TAF5L: variants seen among roughly 807,000 people sequenced by gnomAD.
TAF5L encodes TAF5-like RNA polymerase II p300/CBP-associated factor-associated factor 65 kDa subunit 5L.
In TAF5L, 7 loss-of-function variants were observed where a neutral mutation model predicts 51.3. The observed-to-expected ratio is 0.14, with a 90% CI of 0.08 to 0.26. The LOEUF (loss-of-function observed/expected upper bound fraction) is 0.26, where lower values mean the gene tolerates loss of function less well. Among genes scored for constraint, TAF5L ranks in the 10% least tolerant of loss-of-function variants. The pLI is 1.00. For missense variants in TAF5L, 575 were observed against 758.9 expected, an observed-to-expected ratio of 0.76 and a Z score of 2.85; for synonymous variants, 291 against 308.1, an observed-to-expected ratio of 0.94 and a Z score of 0.58.
At chr1:229,597,279 G>A (rs1664159196) in intron 4 of TAF5L, among the ~76,000 whole-genome samples, 2 of 152,246 alleles carry the variant, frequency 1.3e-5, no homozygotes, top group Non-Finnish European at 2.9e-5. Context: ...AGAAGCTATG[G>A]AAGTGGCCTT....
chr1:229,599,796 T>C (rs561290687), intron 4 of TAF5L: 2 of 982,122 alleles, frequency 2.0e-6, no homozygotes, highest in South Asian at 4.7e-5. Flanking sequence ...GATATATGTC[T>C]AGAAGTGGAA....
At chr1:229,610,109 T>C (rs1424485183) in exon 3 of TAF5L, 44 of 1,611,632 alleles carry the variant, frequency 2.7e-5, no homozygotes, top group Non-Finnish European at 3.6e-5. Context: ...TACTTACCAG[T>C]GAGAAAATTC....
At chr1:229,599,960 A>T (rs938460750) in intron 4 of TAF5L, 28 of 985,356 alleles carry the variant, frequency 2.8e-5, no homozygotes, top group Non-Finnish European at 3.1e-5. Context: ...TCATCTCATT[A>T]ATCCATGTGG....
rs144739310 is a variant in TAF5L at position 229,621,508 on chromosome 1, C to T, written c.-4+4377G>A. On this transcript the variant is annotated intron_variant, in intron 1 of 4. Transcript: ENST00000258281. ...TTTTCTAAACACTGACAATATACAA[C>T]ACTCTTCAAATCTTCTGTAAATTAA... Among the ~76,000 whole-genome samples the T allele has an allele frequency of 6.1e-3, 931 of 152,232 alleles. 12 individuals are homozygous for T. The highest frequency in any genetic ancestry group is 0.022 in the African/African-American group (897 of 41,538).
chr1:229,613,626 A>G (rs1021765727), intron 2 of TAF5L, among the ~76,000 whole-genome samples: 1 of 152,234 alleles, frequency 6.6e-6, no homozygotes, highest in African/African-American at 2.4e-5. Context: ...AAGACAATTT[A>G]AAGAATACAG....
Position 229,594,158 on chromosome 1 carries a change from G to C in TAF5L, c.*139C>G. 3 of 1,004,790 alleles carry C rather than the reference G, an allele frequency of 3.0e-6. No homozygotes were observed. The highest frequency in any genetic ancestry group is 4.3e-6 in the Non-Finnish European group (3 of 693,678). 62.2% of individuals were successfully genotyped at this position (1,004,790 alleles called of 1,614,324 possible). The stretch of plus-strand genomic sequence containing the variant: ...GACACTGGGGGGCTGAGTGAAGGGG[G>C]ACCTGCCCGGAATGAGGGCCCAGGA... On this transcript the variant is annotated 3_prime_UTR_variant, in exon 5 of 5. Transcript: ENST00000258281. This position sits in a 1 kb window ranked among gnomAD's most constrained non-coding sequence, Gnocchi z 7.9.
At chr1:229,596,607 G>T (rs892499998) in intron 4 of TAF5L, among the ~76,000 whole-genome samples, 6 of 152,220 alleles carry the variant, frequency 3.9e-5, no homozygotes, top group African/African-American at 2.4e-5. Context: ...CGACAGAAAA[G>T]ACGGCAACTA....
In TAF5L at chr1:229,625,668, G is replaced by A. The variant is rs914147788; in HGVS notation, c.-4+217C>T. On this transcript the variant is annotated intron_variant, in intron 1 of 4. Coordinates refer to ENST00000258281, the Ensembl canonical transcript of TAF5L. The surrounding 1 kb of genome is among the most constrained non-coding windows in gnomAD (Gnocchi z 4.0). Reference sequence around the variant, plus strand: ...CAGGCCACGCCGCCGGCCGCAGCCCGGGACTCGGGAGGCCGAGGGCGGAGG... The same window carrying A: ...CAGGCCACGCCGCCGGCCGCAGCCCAGGACTCGGGAGGCCGAGGGCGGAGG... Among the ~76,000 whole-genome samples, 1 of 149,792 alleles carries A rather than the reference G, an allele frequency of 6.7e-6. No homozygotes were observed. The highest frequency in any genetic ancestry group is 2.4e-5 in the African/African-American group (1 of 41,044).
At chr1:229,619,916 A>T (rs930355278) in intron 1 of TAF5L, among the ~76,000 whole-genome samples, 3 of 152,138 alleles carry the variant, frequency 2.0e-5, no homozygotes, top group Non-Finnish European at 1.5e-5. Context: ...TTACAGTCAG[A>T]CCACCTTCCT....
intron 3 of TAF5L, chr1:229,607,165 G>C: frequency 1.0e-6 from 1 of 985,326 alleles, no homozygotes; most frequent in Non-Finnish European, 1.2e-6. Context: ...CAGTCTTAAA[G>C]CCTGAGCCAT....
At chr1:229,610,255 C>T (rs760525162) in intron 2 of TAF5L, 45 bp from the exon 3 acceptor site, 11 of 1,575,678 alleles carry the variant, frequency 7.0e-6, no homozygotes, top group Admixed American at 1.7e-5. Context: ...AACAGAGAGA[C>T]GATTATTAAC....
rs755792046 is a variant in TAF5L at position 229,595,013 on chromosome 1, C to T, written c.1054G>A (p.Ala352Thr). The change falls in exon 5 of 5, where the codon GCG becomes ACG. Residue 352 changes from alanine (A) to threonine (T), a missense_variant. Physicochemically the swap from Ala to Thr is moderately conservative, Grantham distance 58 (BLOSUM62 0). This residue lies in a region of TAF5L where 380 missense variants were observed against 443.7 expected (regional missense o/e 0.86). Coordinates refer to ENST00000258281, the Ensembl canonical transcript of TAF5L. Reference sequence around the variant, plus strand: ...CAAGAGAGCAACCCTGAGCTGTCCGCGAGGAACCTCGTGCTGTACACTGGT... The same window carrying T: ...CAAGAGAGCAACCCTGAGCTGTCCGTGAGGAACCTCGTGCTGTACACTGGT... 1.3e-5 allele frequency: 21 copies of T among 1,614,018 alleles called. No individual in the cohort carries two copies. The highest frequency in any genetic ancestry group is 3.3e-5 in the South Asian group (3 of 91,078).
At chr1:229,614,565 G>C (rs1364381902) in intron 1 of TAF5L, 80 bp from the exon 2 acceptor site, 1 of 1,555,004 alleles carries the variant, frequency 6.4e-7, no homozygotes, top group Non-Finnish European at 8.7e-7. Flanking sequence ...ATCGCAGATG[G>C]GTAGGACACA....
chr1:229,600,163 T>C, intron 4 of TAF5L: 1 of 985,436 alleles, frequency 1.0e-6, no homozygotes, highest in Non-Finnish European at 1.2e-6. Context: ...ACACCAACTA[T>C]CGTAACTAAT....
chr1:229,623,912 G>C (rs1665320425), intron 1 of TAF5L, among the ~76,000 whole-genome samples: 1 of 152,180 alleles, frequency 6.6e-6, no homozygotes, highest in African/African-American at 2.4e-5. Flanking sequence ...GGGGCTTCCT[G>C]AGGGAGCACA....
At chr1:229,614,464 C>T in exon 2 of TAF5L, 4 of 1,614,166 alleles carry the variant, frequency 2.5e-6, no homozygotes, top group Non-Finnish European at 3.4e-6. Context: ...TGAATCTGCT[C>T]GGTACGCACT....
Position 229,594,177 on chromosome 1 carries a change from C to T in TAF5L, c.*120G>A. 1 of 1,195,518 alleles carries T rather than the reference C, an allele frequency of 8.4e-7. No individual in the cohort carries two copies. The highest frequency in any genetic ancestry group is 1.2e-6 in the Non-Finnish European group (1 of 862,096). 74.1% of individuals were successfully genotyped at this position (1,195,518 alleles called of 1,614,324 possible). Reference sequence around the variant, plus strand: ...AAGGGGGACCTGCCCGGAATGAGGGCCCAGGAGAGAGGGGAGGAGGGGGCT... The same window carrying T: ...AAGGGGGACCTGCCCGGAATGAGGGTCCAGGAGAGAGGGGAGGAGGGGGCT... On this transcript the variant is annotated 3_prime_UTR_variant, in exon 5 of 5. Transcript: ENST00000258281. The surrounding 1 kb of genome is among the most constrained non-coding windows in gnomAD (Gnocchi z 7.9).
intron 1 of TAF5L, among the ~76,000 whole-genome samples, chr1:229,620,657 T>C (rs769577466): frequency 6.6e-6 from 1 of 152,236 alleles, no homozygotes; most frequent in African/African-American, 2.4e-5. Flanking sequence ...TCGTGATCTT[T>C]TTGAATTTCT....
intron 3 of TAF5L, among the ~76,000 whole-genome samples, chr1:229,609,017 A>C (rs944446005): frequency 2.6e-5 from 4 of 152,178 alleles, no homozygotes; most frequent in Non-Finnish European, 2.9e-5. Flanking sequence ...AAAGAAAAAG[A>C]AGCAAATTAT....
Sources: allele counts gnomAD v4.1 joint callset (sites outside exome capture counted in the v4.1 genomes callset), GRCh38; gene constraint gnomAD v4.1.1; regional missense constraint gnomAD v4.1.1; non-coding constraint Gnocchi (gnomAD v3.1); transcripts MANE v1.5; gene names NCBI Gene and HGNC (gene_info 2026-07-23, HGNC 2026-07-21).